ACSS3: variants seen among roughly 807,000 people sequenced by gnomAD.
The protein encoded by ACSS3 is acyl-CoA synthetase short chain family member 3, also known as acyl-CoA synthetase short-chain family member 3, mitochondrial.
Under a neutral mutation model 84.2 loss-of-function variants are expected in ACSS3, and 64 were observed. That is an observed-to-expected ratio of 0.76 (90% confidence interval 0.62 to 0.94). ACSS3 has a LOEUF of 0.94. ACSS3 is among the 40% of genes least tolerant of loss of function. ACSS3 has a pLI of 0.00. For synonymous variants in ACSS3, 317 were observed against 310.1 expected, an observed-to-expected ratio of 1.02 and a Z score of -0.23; for missense variants, 815 against 867.6, an observed-to-expected ratio of 0.94 and a Z score of 0.76.
intron 13 of ACSS3, among the ~76,000 whole-genome samples, chr12:81,249,367 A>C (rs1296593988): frequency 6.6e-6 from 1 of 152,060 alleles, no homozygotes; most frequent in Non-Finnish European, 1.5e-5. Flanking sequence ...CTTGTAGCTT[A>C]AGTGTAGGTT....
chr12:81,124,408 C>A, intron 2 of ACSS3: 1 of 152,144 alleles, frequency 6.6e-6, no homozygotes, highest in East Asian at 1.9e-4. Context: ...CCAGTATCCT[C>A]ACTTCTCCTG....
intron 2 of ACSS3, among the ~76,000 whole-genome samples, chr12:81,130,833 G>A (rs1256210483): frequency 6.6e-6 from 1 of 152,166 alleles, no homozygotes; most frequent in Non-Finnish European, 1.5e-5. Context: ...TGCAGTTTCA[G>A]CTTTCTACAT....
chr12:81,192,033 C>T (rs537089557), intron 8 of ACSS3, among the ~76,000 whole-genome samples: 41 of 152,092 alleles, frequency 2.7e-4, no homozygotes, highest in African/African-American at 9.6e-4. Flanking sequence ...TCTCTTTTTT[C>T]TTTTGAGAGT....
In ACSS3 at chr12:81,260,384, A is replaced by T. The variant is rs2035012791; in HGVS notation, c.*5462A>T. Reference sequence around the variant, plus strand: ...AGAGTAACTCTACCCATCACTTAAGAGCTAAGAAGCAAGCACTATTGAACA... The same window carrying T: ...AGAGTAACTCTACCCATCACTTAAGTGCTAAGAAGCAAGCACTATTGAACA... On this transcript the variant is annotated 3_prime_UTR_variant, in exon 16 of 16. Transcript: ENST00000548058. 2.6e-5 allele frequency: 4 copies of T among 152,218 alleles called. No homozygotes were observed. The South Asian group carries it at 8.3e-4, about 31-fold the overall frequency. 9.4% of individuals were successfully genotyped at this position (152,218 alleles called of 1,614,324 possible).
intron 13 of ACSS3, among the ~76,000 whole-genome samples, chr12:81,241,569 C>T (rs1300078713): frequency 3.9e-5 from 6 of 152,170 alleles, no homozygotes; most frequent in Non-Finnish European, 7.3e-5. Flanking sequence ...TTTTGATTTG[C>T]ATTTCTCTGA....
At chr12:81,187,477 G>C (rs563749068) in intron 8 of ACSS3, among the ~76,000 whole-genome samples, 1 of 151,698 alleles carries the variant, frequency 6.6e-6, no homozygotes, top group Non-Finnish European at 1.5e-5. Flanking sequence ...CTAATACTCC[G>C]GTTAGAATGA....
chr12:81,192,726 A>T (rs2031634913), intron 8 of ACSS3, among the ~76,000 whole-genome samples: 1 of 152,186 alleles, frequency 6.6e-6, no homozygotes, highest in African/African-American at 2.4e-5. Flanking sequence ...TTTAGTTTCA[A>T]CGCCTGTCAG....
At chr12:81,212,314 C>G (rs1373629282) in intron 9 of ACSS3, among the ~76,000 whole-genome samples, 1 of 152,182 alleles carries the variant, frequency 6.6e-6, no homozygotes, top group Non-Finnish European at 1.5e-5. Context: ...CACATAATAG[C>G]TGCTCAAAAA....
At chr12:81,151,753 T>A in intron 5 of ACSS3, 91 bp from the exon 6 acceptor site, 1 of 1,112,434 alleles carries the variant, frequency 9.0e-7, no homozygotes, top group Non-Finnish European at 1.3e-6. Flanking sequence ...AAAATACTTT[T>A]GACCAGGAAC....
chr12:81,147,425 G>A (rs1886393050), intron 5 of ACSS3, among the ~76,000 whole-genome samples: 1 of 152,192 alleles, frequency 6.6e-6, no homozygotes, highest in South Asian at 2.1e-4. Context: ...CTGTGCTGAA[G>A]ATACAAAGAT....
intron 8 of ACSS3, among the ~76,000 whole-genome samples, chr12:81,185,613 C>T (rs190479298): frequency 7.5e-4 from 114 of 151,608 alleles, no homozygotes; most frequent in Non-Finnish European, 1.3e-3. Flanking sequence ...AAATAAAATA[C>T]TTTGGAATAA....
intron 2 of ACSS3, among the ~76,000 whole-genome samples, chr12:81,111,186 C>A (rs893698432): frequency 3.9e-5 from 6 of 152,048 alleles, no homozygotes; most frequent in Middle Eastern, 3.2e-3. Context: ...AAATGGTAAA[C>A]CCTAAGGGAG....
At chr12:81,092,070 C>T (rs139961227) in intron 1 of ACSS3, among the ~76,000 whole-genome samples, 7 of 152,154 alleles carry the variant, frequency 4.6e-5, no homozygotes, top group South Asian at 2.1e-4. Flanking sequence ...GATTTAAAAA[C>T]GAGCTGTGCA....
At chr12:81,124,067 T>C (rs765262632) in intron 2 of ACSS3, among the ~76,000 whole-genome samples, 43 of 152,158 alleles carry the variant, frequency 2.8e-4, no homozygotes, top group Non-Finnish European at 5.4e-4. Context: ...ATCTCCAAAG[T>C]GCTTTCCACA....
At chr12:81,166,244 T>C (rs762918875) in intron 7 of ACSS3, among the ~76,000 whole-genome samples, 1 of 152,148 alleles carries the variant, frequency 6.6e-6, no homozygotes, top group Non-Finnish European at 1.5e-5. Flanking sequence ...CAGGTGGCTA[T>C]TGTAAGAGAT....
Position 81,139,260 on chromosome 12 carries a change from A to G in ACSS3, c.775A>G (p.Asn259Asp). Residue 259 changes from asparagine to aspartate, a missense_variant, in exon 4 of 16, where the codon AAT becomes GAT. Coordinates refer to ENST00000548058, the MANE Select transcript of ACSS3 (RefSeq NM_024560.4). ...PDKILIYNRP[N>D]MEAVPLAPGR... ...CAAAATTCTCATTTATAATCGTCCA[A>G]ATATGGTAATCTGAATATTGAATTT... The G allele has an allele frequency of 6.2e-7, 1 of 1,613,844 alleles. No individual in the cohort carries two copies. Among genetic ancestry groups the G allele is most frequent in the Non-Finnish European group, 8.5e-7 (1 of 1,179,876 alleles).
At chr12:81,099,331 TAAG>T (rs931680226) in intron 1 of ACSS3, among the ~76,000 whole-genome samples, 3 of 152,168 alleles carry the variant, frequency 2.0e-5, no homozygotes, top group Non-Finnish European at 4.4e-5. Flanking sequence ...AATGTTATTC[TAAG>T]AAGGAAGCTC....
At chr12:81,120,183 C>T (rs1454736018) in intron 2 of ACSS3, among the ~76,000 whole-genome samples, 1 of 152,036 alleles carries the variant, frequency 6.6e-6, no homozygotes, top group Non-Finnish European at 1.5e-5. Context: ...AAATGTGCAC[C>T]CTGAGAACAA....
rs1009074391 is a variant in ACSS3, at chr12:81,204,906, C to T, written c.1354+5462C>T. On this transcript the variant is annotated intron_variant, in intron 9 of 15. Transcript: ENST00000548058. ...TAGATAATTCACAGAATTTGTTAAA[C>T]TCTAAGGAGGAATTTCAATGAGAAA... Among the ~76,000 whole-genome samples the T allele has an allele frequency of 2.0e-5, 3 of 152,086 alleles. No homozygotes were observed. In the East Asian group the frequency reaches 5.8e-4, roughly 29 times the overall value.
Sources: gnomAD v4.1 joint callset for allele counts (sites outside exome capture counted in the v4.1 genomes callset) on GRCh38, gnomAD v4.1.1 for gene constraint, MANE v1.5 for transcripts, NCBI Gene and HGNC (gene_info 2026-07-23, HGNC 2026-07-21) for gene names.